Variants in TERB1 observed in about 807,000 individuals in gnomAD.
The protein encoded by TERB1 is telomere repeat binding bouquet formation protein 1, also known as telomere repeats-binding bouquet formation protein 1.
TERB1 carries 63 observed loss-of-function variants against 92.3 expected under a neutral mutation model. That is an observed-to-expected ratio of 0.68 (90% CI 0.56 to 0.84). The LOEUF (loss-of-function observed/expected upper bound fraction) is 0.84. TERB1 is among the 40% of genes least tolerant of loss of function. The pLI is 0.00. For missense variants in TERB1, 709 were observed against 843.7 expected, an observed-to-expected ratio of 0.84 and a Z score of 1.98; for synonymous variants, 252 against 283.9, an observed-to-expected ratio of 0.89 and a Z score of 1.13.
chr16:66,801,764 A>C (rs1444080456), upstream of TERB1: 3 of 152,156 alleles, frequency 2.0e-5, no homozygotes, highest in Non-Finnish European at 2.9e-5. Flanking sequence ...TGAAAGAGAA[A>C]TCTCACCGCC....
intron 10 of TERB1, 28 bp from the exon 11 acceptor site, chr16:66,777,362 T>C: frequency 6.9e-7 from 1 of 1,445,512 alleles, no homozygotes; most frequent in Non-Finnish European, 9.4e-7. Context: ...GAAAAAAAGA[T>C]AGTACAAATT....
At chr16:66,765,140 G>A (rs1184126142) in intron 16 of TERB1, among the ~76,000 whole-genome samples, 1 of 152,162 alleles carries the variant, frequency 6.6e-6, no homozygotes, top group Non-Finnish European at 1.5e-5. Context: ...CAAGGACTAA[G>A]CACTCCATAA....
intron 16 of TERB1, among the ~76,000 whole-genome samples, chr16:66,762,577 T>G (rs1300280722): frequency 2.6e-5 from 4 of 151,858 alleles, no homozygotes; most frequent in African/African-American, 9.7e-5. Flanking sequence ...AGACACAGGG[T>G]CTCCTTACAT....
At chr16:66,776,117 G>A (rs1369475825) in intron 11 of TERB1, among the ~76,000 whole-genome samples, 2 of 151,964 alleles carry the variant, frequency 1.3e-5, no homozygotes, top group African/African-American at 2.4e-5. Context: ...ATCACCTGAG[G>A]TTGGGAGTTC....
chr16:66,787,241 G>GGT (rs1198693928), intron 6 of TERB1, among the ~76,000 whole-genome samples: 1 of 151,770 alleles, frequency 6.6e-6, no homozygotes, highest in Non-Finnish European at 1.5e-5. Context: ...TGGTAGTACA[G>GGT]GTGTGTGCCA....
chr16:66,759,180 ATC>A lies in TERB1; in HGVS notation c.1889_1890del (p.Arg630IlefsTer2), dbSNP rs1567464037. ...RHKVIVEAED[R>X]YKSELRKSLI... The stretch of plus-strand genomic sequence containing the variant: ...AGTGATTTCCTTAGTTCACTTTTAT[ATC>A]TGTCTTCAGCTTCCACAATGACTTT... On this transcript the variant is annotated frameshift_variant, in exon 17 of 19. Coordinates refer to ENST00000433154, the MANE Select transcript of TERB1 (RefSeq NM_001136505.2). LOFTEE classifies it high-confidence loss of function. 1 of 1,549,636 alleles carries A rather than the reference ATC, an allele frequency of 6.5e-7. No individual in the cohort carries two copies. Among genetic ancestry groups the A allele is most frequent in the East Asian group, 2.4e-5 (1 of 40,894 alleles).
chr16:66,767,338 CAA>C (rs34069156), intron 16 of TERB1, 75 bp downstream of exon 16: 3,232 of 681,904 alleles, frequency 4.7e-3, no homozygotes, highest in East Asian at 7.1e-3. Flanking sequence ...GACTCTGTAT[CAA>C]AAAAAAAAAA....
chr16:66,776,434 A>T (rs1356808887), intron 11 of TERB1, among the ~76,000 whole-genome samples: 1 of 152,210 alleles, frequency 6.6e-6, no homozygotes, highest in Non-Finnish European at 1.5e-5. Context: ...CATAACTCAT[A>T]AGAGTCAACA....
chr16:66,754,959 T>G lies in TERB1; in HGVS notation c.*17A>C, dbSNP rs1045546239. ...TATTTTAAGAATCCAAACTAAAAAC[T>G]GACAGTCTTCTTTCAATCAAGAAGC... On this transcript the variant is annotated 3_prime_UTR_variant, in exon 19 of 19. Coordinates refer to ENST00000433154, the MANE Select transcript of TERB1 (RefSeq NM_001136505.2). 1.3e-6 allele frequency: 2 copies of G among 1,535,226 alleles called. No homozygotes were observed. The highest frequency in any genetic ancestry group is 2.5e-5 in the East Asian group (1 of 40,802).
chr16:66,800,965 C>T lies in TERB1; in HGVS notation c.-33+12G>A, dbSNP rs1959263322. 2 of 152,426 alleles carry T rather than the reference C, an allele frequency of 1.3e-5. No individual in the cohort carries two copies. Among genetic ancestry groups the T allele is most frequent in the African/African-American group, 2.4e-5 (1 of 41,456 alleles). The allele number at this position is 152,426 out of a possible 1,614,324, so 9.4% of individuals were successfully genotyped here. On this transcript the variant is annotated intron_variant, in intron 2 of 18. Coordinates refer to ENST00000433154, the MANE Select transcript of TERB1 (RefSeq NM_001136505.2). ...CCCGGCTTCCTGCCCATTCAGCCTG[C>T]GGCCCGCTCACCTACAGAGTTGGAT... is the stretch of plus-strand genomic sequence containing the variant.
At chr16:66,795,354 A>C (rs553722981) in intron 3 of TERB1, among the ~76,000 whole-genome samples, 14 of 152,274 alleles carry the variant, frequency 9.2e-5, no homozygotes, top group South Asian at 2.1e-4. Context: ...CATGACTCTA[A>C]ACTGGCTCCC....
At chr16:66,768,033 G>T in intron 15 of TERB1, 71 bp downstream of exon 15, 4 of 1,237,670 alleles carry the variant, frequency 3.2e-6, no homozygotes, top group Non-Finnish European at 4.6e-6. Context: ...CAGTCAATGT[G>T]CATTTTTAGC....
At chr16:66,761,451 CAAAAAAA>C (rs376145995) in intron 16 of TERB1, among the ~76,000 whole-genome samples, 3 of 107,186 alleles carry the variant, frequency 2.8e-5, no homozygotes, top group East Asian at 5.3e-4. Flanking sequence ...GACTCTGTCT[CAAAAAAA>C]AAAAAAAAAA....
intron 16 of TERB1, among the ~76,000 whole-genome samples, chr16:66,761,267 C>G (rs1262253303): frequency 1.3e-5 from 2 of 148,878 alleles, no homozygotes; most frequent in African/African-American, 5.0e-5. Context: ...GCCTGGCCAA[C>G]ATGACAAAAC....
chr16:66,781,546 GTCTC>G (rs2018637341), intron 9 of TERB1, among the ~76,000 whole-genome samples: 1 of 131,792 alleles, frequency 7.6e-6, no homozygotes, highest in African/African-American at 3.0e-5. Context: ...TTGAGACAGA[GTCTC>G]TCTCTGTAGC....
chr16:66,800,825 C>G (rs945127943), intron 2 of TERB1, among the ~76,000 whole-genome samples, 152 bp downstream of exon 2: 20 of 152,172 alleles, frequency 1.3e-4, no homozygotes, highest in Admixed American at 4.6e-4. Flanking sequence ...AGTCAGCTGG[C>G]TCTGCAATAT....
intron 5 of TERB1, among the ~76,000 whole-genome samples, chr16:66,789,797 A>T (rs1231385462): frequency 6.9e-6 from 1 of 145,340 alleles, no homozygotes; most frequent in African/African-American, 2.6e-5. Flanking sequence ...TGCCACCTCC[A>T]CCTCCCAGGC....
chr16:66,788,992 T>C (rs1276420038), intron 5 of TERB1, among the ~76,000 whole-genome samples: 2 of 118,644 alleles, frequency 1.7e-5, no homozygotes, highest in African/African-American at 7.0e-5. Flanking sequence ...CTGGGAAGGG[T>C]AGTGGAAAGT....
At chr16:66,774,688 T>C (rs1181410729) in intron 12 of TERB1, among the ~76,000 whole-genome samples, 2 of 150,534 alleles carry the variant, frequency 1.3e-5, no homozygotes, top group Admixed American at 1.3e-4. Context: ...ATTTTCTTTT[T>C]TTTTTTTTTT....
Sources: allele counts gnomAD v4.1 joint callset (sites outside exome capture counted in the v4.1 genomes callset), GRCh38; gene constraint gnomAD v4.1.1; transcripts MANE v1.5; gene names NCBI Gene and HGNC (gene_info 2026-07-23, HGNC 2026-07-21).